Variants in RNASEH2B observed in about 807,000 individuals in gnomAD.
The protein encoded by RNASEH2B is Aicardi-Goutieres syndrome 2 protein.
RNASEH2B carries 36 observed loss-of-function variants against 45.0 expected under a neutral mutation model. That is an observed-to-expected ratio of 0.80 (90% CI 0.61 to 1.06). The LOEUF is 1.06. Among genes scored for constraint, RNASEH2B ranks in the 50% least tolerant of loss-of-function variants. The pLI, the probability that RNASEH2B is intolerant of heterozygous loss-of-function variation, is 0.00. For synonymous variants in RNASEH2B, 119 were observed against 125.7 expected (o/e 0.95, Z 0.35); for missense variants, 361 against 360.3 (o/e 1.00, Z -0.02).
At chr13:50,926,554 CG>C (rs1951598878) in intron 1 of RNASEH2B, among the ~76,000 whole-genome samples, 1 of 151,622 alleles carries the variant, frequency 6.6e-6, no homozygotes, top group Non-Finnish European at 1.5e-5. Flanking sequence ...GTTAACTTCT[CG>C]AAAAAAATAT....
chr13:50,922,306 C>T (rs1019654834), intron 1 of RNASEH2B, among the ~76,000 whole-genome samples: 1 of 152,128 alleles, frequency 6.6e-6, no homozygotes, highest in Non-Finnish European at 1.5e-5. Context: ...TGACATATTC[C>T]TAGAGGATTA....
intron 3 of RNASEH2B, 113 bp from the exon 4 acceptor site, chr13:50,930,570 T>C (rs1593459036): frequency 2.4e-6 from 2 of 819,304 alleles, no homozygotes; most frequent in East Asian, 2.4e-5. Context: ...AGATTTGAAT[T>C]TGGAATTTCA....
intron 1 of RNASEH2B, among the ~76,000 whole-genome samples, chr13:50,919,869 C>T (rs549703934): frequency 4.3e-4 from 66 of 152,210 alleles, no homozygotes; most frequent in African/African-American, 1.5e-3. Flanking sequence ...CCTGGTAGAC[C>T]GTAAATGGCC....
intron 9 of RNASEH2B, among the ~76,000 whole-genome samples, chr13:50,967,571 G>A (rs1271018331): frequency 6.6e-6 from 1 of 152,178 alleles, no homozygotes; most frequent in African/African-American, 2.4e-5. Context: ...CAGCTAATGA[G>A]TAACTGAGCC....
At chr13:50,933,900 T>C (rs1251629912) in intron 4 of RNASEH2B, 2 of 152,222 alleles carry the variant, frequency 1.3e-5, no homozygotes, top group African/African-American at 4.8e-5. Flanking sequence ...TAAATTGAGA[T>C]AGTTCATGGC....
chr13:50,941,886 C>T (rs1951836795), intron 5 of RNASEH2B: 1 of 152,226 alleles, frequency 6.6e-6, no homozygotes, highest in Non-Finnish European at 1.5e-5. Flanking sequence ...GATGTCCAGC[C>T]CCCAATCCAT....
intron 1 of RNASEH2B, among the ~76,000 whole-genome samples, chr13:50,917,840 C>A (rs959901784): frequency 2.6e-5 from 4 of 152,112 alleles, no homozygotes; most frequent in African/African-American, 9.7e-5. Flanking sequence ...ACCAGACATA[C>A]CTCCTTCCCT....
intron 4 of RNASEH2B, among the ~76,000 whole-genome samples, chr13:50,931,565 A>G (rs533049994): frequency 6.6e-6 from 1 of 152,336 alleles, no homozygotes; most frequent in African/African-American, 2.4e-5. Context: ...TAACTAGAAG[A>G]CAACTGGATT....
chr13:50,953,550 A>G (rs1471094868), intron 9 of RNASEH2B: 1 of 292,354 alleles, frequency 3.4e-6, no homozygotes, highest in Non-Finnish European at 6.5e-6. Flanking sequence ...TCAAGAGACT[A>G]TTCTCATTTT....
At chr13:50,958,206 G>C (rs1027542131), downstream of RNASEH2B, among the ~76,000 whole-genome samples, 1 of 152,118 alleles carries the variant, frequency 6.6e-6, no homozygotes, top group Admixed American at 6.5e-5. Context: ...TTTTCTTCTA[G>C]GATTTTTATA....
chr13:50,920,521 T>C (rs957904251), intron 1 of RNASEH2B, among the ~76,000 whole-genome samples: 1 of 152,254 alleles, frequency 6.6e-6, no homozygotes, highest in Non-Finnish European at 1.5e-5. Flanking sequence ...TAACATATTA[T>C]TAAACCTAAA....
At chr13:50,969,220 G>A (rs1016916604) in intron 9 of RNASEH2B, among the ~76,000 whole-genome samples, 8 of 152,170 alleles carry the variant, frequency 5.3e-5, no homozygotes, top group African/African-American at 1.9e-4. Flanking sequence ...ACCAGGCAGG[G>A]CACTGAATTC....
intron 1 of RNASEH2B, among the ~76,000 whole-genome samples, chr13:50,922,657 A>T (rs1358202055): frequency 6.6e-6 from 1 of 152,196 alleles, no homozygotes; most frequent in African/African-American, 2.4e-5. Context: ...ACTACAAAAA[A>T]CAGCAATAAC....
chr13:50,943,382 G>T lies in RNASEH2B; in HGVS notation c.498G>T (p.Trp166Cys), dbSNP rs763896138. ...YKYSKEKTLK[W>C]LEKKVNQTVA... Reference sequence around the variant, plus strand: ...ACAGCAAAGAGAAGACATTAAAGTGGCTGGAAAAAAAGGTATAGTTCCTCT... The same window carrying T: ...ACAGCAAAGAGAAGACATTAAAGTGTCTGGAAAAAAAGGTATAGTTCCTCT... Residue 166 changes from tryptophan (W) to cysteine (C), a missense_variant, in exon 6 of 11, where the codon TGG (tryptophan) becomes TGT (cysteine). Physicochemically the swap from Trp to Cys is radical, Grantham distance 215 (BLOSUM62 -2). Transcript: ENST00000336617. 1 of 1,604,886 alleles carries T rather than the reference G, an allele frequency of 6.2e-7. No individual in the cohort carries two copies. Among genetic ancestry groups the T allele is most frequent in the South Asian group, 1.1e-5 (1 of 90,860 alleles).
At chr13:50,910,948 C>T (rs939061407) in intron 1 of RNASEH2B, 1 of 152,200 alleles carries the variant, frequency 6.6e-6, no homozygotes, top group East Asian at 1.9e-4. Context: ...TAAATATACT[C>T]TGATAACAAT....
chr13:50,939,631 T>C (rs1951809881), intron 5 of RNASEH2B, among the ~76,000 whole-genome samples: 1 of 152,140 alleles, frequency 6.6e-6, no homozygotes, highest in South Asian at 2.1e-4. Flanking sequence ...ACTTATATGG[T>C]CAATTGATTT....
intron 1 of RNASEH2B, among the ~76,000 whole-genome samples, chr13:50,925,324 G>T (rs1382412401): frequency 5.9e-5 from 9 of 151,454 alleles, no homozygotes; most frequent in African/African-American, 2.2e-4. Context: ...CCCTCTTTCA[G>T]TAATTGATTT....
At chr13:50,920,246 T>C (rs1467077439) in intron 1 of RNASEH2B, among the ~76,000 whole-genome samples, 1 of 152,194 alleles carries the variant, frequency 6.6e-6, no homozygotes, top group Non-Finnish European at 1.5e-5. Flanking sequence ...GGTTTCACCA[T>C]GTTGGCCGGG....
chr13:50,913,851 C>G (rs1879574908), intron 1 of RNASEH2B, among the ~76,000 whole-genome samples: 1 of 151,970 alleles, frequency 6.6e-6, no homozygotes, highest in Non-Finnish European at 1.5e-5. Context: ...GTGATAATCA[C>G]AAATGATTAT....
Sources: allele counts gnomAD v4.1 joint callset (sites outside exome capture counted in the v4.1 genomes callset), GRCh38; gene constraint gnomAD v4.1.1; transcripts MANE v1.5; gene names NCBI Gene and HGNC (gene_info 2026-07-23, HGNC 2026-07-21).